The following NTN1 variants were observed in gnomAD, a reference collection of about 807,000 sequenced individuals.
The protein encoded by NTN1 is netrin-1.
Under a neutral mutation model 54.2 loss-of-function variants are expected in NTN1, and 11 were observed. That is an observed-to-expected ratio of 0.20 (90% CI 0.13 to 0.34). The LOEUF (loss-of-function observed/expected upper bound fraction) is 0.34. Ranked by LOEUF, NTN1 falls within the 10% of genes least tolerant of loss-of-function variation. The pLI, the probability that NTN1 is intolerant of heterozygous loss-of-function variation, is 1.00. For synonymous variants in NTN1, 371 were observed against 382.0 expected, an observed-to-expected ratio of 0.97 and a Z score of 0.33; for missense variants, 740 against 893.1, an observed-to-expected ratio of 0.83 and a Z score of 2.18.
chr17:9,080,115 T>C (rs2092065939), intron 2 of NTN1, among the ~76,000 whole-genome samples: 2 of 152,186 alleles, frequency 1.3e-5, no homozygotes, highest in African/African-American at 4.8e-5. Flanking sequence ...AGTGATTCTC[T>C]AGCAGGCCTG....
upstream of NTN1, chr17:9,021,456 C>T (rs1194061426): frequency 6.6e-6 from 1 of 151,878 alleles, no homozygotes; most frequent in African/African-American, 2.4e-5. Context: ...CGTTATTGGC[C>T]GGCGCCCCGC....
intron 2 of NTN1, among the ~76,000 whole-genome samples, chr17:9,066,705 A>G (rs771575642): frequency 2.0e-5 from 3 of 152,014 alleles, no homozygotes; most frequent in African/African-American, 4.8e-5. Context: ...CAATATTACA[A>G]ATGGCACGTT....
intron 2 of NTN1, among the ~76,000 whole-genome samples, chr17:9,131,290 T>G (rs2092264253): frequency 6.6e-6 from 1 of 152,198 alleles, no homozygotes; most frequent in African/African-American, 2.4e-5. Flanking sequence ...TCATGACACT[T>G]AGCATCCTCT....
chr17:9,234,844 T>G (rs1346820729), intron 6 of NTN1, among the ~76,000 whole-genome samples: 3 of 152,190 alleles, frequency 2.0e-5, no homozygotes, highest in Non-Finnish European at 4.4e-5. Flanking sequence ...AACATCTGCC[T>G]CATTGACTTC....
intron 2 of NTN1, among the ~76,000 whole-genome samples, chr17:9,067,510 A>G (rs150478167): frequency 2.6e-5 from 4 of 152,120 alleles, no homozygotes; most frequent in African/African-American, 7.2e-5. Context: ...ACTTAAATGC[A>G]CCCGGGATAC....
chr17:9,188,483 ATAAAAAC>A (rs1304323755), intron 5 of NTN1, among the ~76,000 whole-genome samples: 92 of 138,958 alleles, frequency 6.6e-4, no homozygotes, highest in African/African-American at 2.3e-3. Context: ...CAATTAAAAA[ATAAAAAC>A]AAAAAAGTCA....
rs1341715674 is a variant in NTN1 at position 9,240,844 on chromosome 17, GC to G, written c.*878del. 2 of 152,332 alleles carry G rather than the reference GC, an allele frequency of 1.3e-5. No individual in the cohort carries two copies. The highest frequency in any genetic ancestry group is 1.3e-4 in the Admixed American group (2 of 15,292). 9.4% of individuals were successfully genotyped at this position (152,332 alleles called of 1,614,324 possible). ...GTGGTCACCGCCTCATGCTGGAGCT[GC>G]CTGTTGGAGGAGGCATCGCAAACGC... On this transcript the variant is annotated 3_prime_UTR_variant, in exon 7 of 7. Transcript: ENST00000173229.
intron 2 of NTN1, among the ~76,000 whole-genome samples, chr17:9,138,930 A>G (rs1450054260): frequency 6.6e-6 from 1 of 152,184 alleles, no homozygotes; most frequent in Non-Finnish European, 1.5e-5. Flanking sequence ...AGATGCATCC[A>G]GGGCTCAAGT....
Position 9,119,638 on chromosome 17 carries a change from A to G in NTN1, c.1019-43175A>G, listed in dbSNP as rs547404485. On this transcript the variant is annotated intron_variant, in intron 2 of 6. Coordinates refer to ENST00000173229, the MANE Select transcript of NTN1 (RefSeq NM_004822.3). ...TTCAGCCTCTCAAGTAGTTCAGACTATAAGCATGCTACACCACACCTGGCT... is the reference window on the plus strand; with the variant it reads ...TTCAGCCTCTCAAGTAGTTCAGACTGTAAGCATGCTACACCACACCTGGCT... Among the ~76,000 whole-genome samples the G allele has an allele frequency of 6.6e-4, 101 of 152,120 alleles. 1 individual carries two copies. The highest frequency in any genetic ancestry group is 2.3e-3 in the African/African-American group (95 of 41,496).
chr17:9,093,029 A>T (rs1467373010), intron 2 of NTN1, among the ~76,000 whole-genome samples: 1 of 152,184 alleles, frequency 6.6e-6, no homozygotes, highest in Non-Finnish European at 1.5e-5. Flanking sequence ...AAGTGCTGAG[A>T]TTACAGGCGT....
At chr17:9,127,064 G>A (rs1392501076) in intron 2 of NTN1, among the ~76,000 whole-genome samples, 1 of 135,640 alleles carries the variant, frequency 7.4e-6, no homozygotes, top group East Asian at 2.5e-4. Context: ...TGAGATTGTG[G>A]TAGGGCCGGG....
intron 2 of NTN1, among the ~76,000 whole-genome samples, chr17:9,047,928 T>C (rs943730800): frequency 2.6e-5 from 4 of 152,146 alleles, no homozygotes; most frequent in African/African-American, 9.7e-5. Context: ...ACTCCTGACC[T>C]CAGGTGATCC....
chr17:9,092,433 G>A (rs12940461), intron 2 of NTN1, among the ~76,000 whole-genome samples: 11,758 of 146,478 alleles, frequency 0.08, 614 homozygotes, highest in Non-Finnish European at 0.11. Context: ...TATTATAGGC[G>A]CAAACCACCA....
intron 4 of NTN1, among the ~76,000 whole-genome samples, chr17:9,182,355 C>T (rs1257739050): frequency 1.3e-5 from 2 of 152,256 alleles, no homozygotes; most frequent in Non-Finnish European, 2.9e-5. Flanking sequence ...TCTGCACTCT[C>T]AGTCCCATTC....
intron 2 of NTN1, among the ~76,000 whole-genome samples, chr17:9,093,442 A>C (rs2092120133): frequency 6.6e-6 from 1 of 152,164 alleles, no homozygotes; most frequent in African/African-American, 2.4e-5. Context: ...AGTTCACTGT[A>C]GTTTTGACCT....
At chr17:9,182,225 CCAA>C (rs10592542) in intron 4 of NTN1, among the ~76,000 whole-genome samples, 54,567 of 152,074 alleles carry the variant, frequency 0.36, 10,202 homozygotes, top group Middle Eastern at 0.49. Flanking sequence ...GCCATCCTCC[CCAA>C]ACGTGTTGGG....
At chr17:9,013,109 T>C in the NTN1 span, among the ~76,000 whole-genome samples, 1 of 152,020 alleles carries the variant, frequency 6.6e-6, no homozygotes. Flanking sequence ...TCAGGGATGC[T>C]AAGTGTCCTG....
chr17:9,136,816 T>C (rs1220918628), intron 2 of NTN1, among the ~76,000 whole-genome samples: 1 of 152,166 alleles, frequency 6.6e-6, no homozygotes, highest in Non-Finnish European at 1.5e-5. Flanking sequence ...TCACCTCTCC[T>C]CCTGCCACAA....
chr17:9,241,736 T>G lies in NTN1; in HGVS notation c.*1768T>G, dbSNP rs889540590. On this transcript the variant is annotated 3_prime_UTR_variant, in exon 7 of 7. Coordinates refer to ENST00000173229, the MANE Select transcript of NTN1 (RefSeq NM_004822.3). ...CCCACATGCTCCCAGTGTGTACTCA[T>G]GACAACCCTGTGGGACAGGGACTCA... is the stretch of plus-strand genomic sequence containing the variant. 1 of 152,274 alleles carries G rather than the reference T, an allele frequency of 6.6e-6. No homozygotes were observed. The highest frequency in any genetic ancestry group is 2.4e-5 in the African/African-American group (1 of 41,454). The allele number at this position is 152,274 out of a possible 1,614,324, so 9.4% of individuals were successfully genotyped here. A position where few individuals can be genotyped will look rare whatever the true frequency, so the allele number is the denominator to read the frequency against.
Sources: allele counts gnomAD v4.1 joint callset (sites outside exome capture counted in the v4.1 genomes callset), GRCh38; gene constraint gnomAD v4.1.1; transcripts MANE v1.5; gene names NCBI Gene and HGNC (gene_info 2026-07-23, HGNC 2026-07-21).